GRIN2B: variants seen among roughly 807,000 people sequenced by gnomAD.
GRIN2B encodes the protein glutamate ionotropic receptor NMDA type subunit 2B, also known as glutamate receptor ionotropic, NMDA 2B.
GRIN2B carries 5 observed loss-of-function variants against 114.5 expected under a neutral mutation model. That is an observed-to-expected ratio of 0.04 (90% CI 0.02 to 0.09). The LOEUF (loss-of-function observed/expected upper bound fraction) is 0.09. Ranked by LOEUF, GRIN2B falls within the 10% of genes least tolerant of loss-of-function variation. GRIN2B has a pLI of 1.00. For synonymous variants in GRIN2B, 787 were observed against 745.1 expected (o/e 1.06, Z -0.92); for missense variants, 1,108 against 1,943.5 (o/e 0.57, Z 8.08).
chr12:13,803,001 C>T (rs1241722701), intron 3 of GRIN2B, among the ~76,000 whole-genome samples: 1 of 152,132 alleles, frequency 6.6e-6, no homozygotes, highest in Non-Finnish European at 1.5e-5. Flanking sequence ...TCTCTTCCTC[C>T]TCCTCCTCAG....
At chr12:13,826,279 T>C (rs1023391637) in intron 3 of GRIN2B, among the ~76,000 whole-genome samples, 1 of 152,158 alleles carries the variant, frequency 6.6e-6, no homozygotes, top group Non-Finnish European at 1.5e-5. Flanking sequence ...GAGACCATTC[T>C]GACCAACACA....
In GRIN2B at chr12:13,542,680, C is replaced by CT. The variant is rs1565442389; in HGVS notation, c.*20102dup. The stretch of plus-strand genomic sequence containing the variant: ...CCCCCAGTCCCTCTTATCACTTGGA[C>CT]TTTCATCCCCAGATACCCATGCACA... On this transcript the variant is annotated 3_prime_UTR_variant, in exon 14 of 14. Transcript: ENST00000609686. 2.0e-5 allele frequency: 3 copies of CT among 152,290 alleles called. No homozygotes were observed. Among genetic ancestry groups the CT allele is most frequent in the African/African-American group, 7.2e-5 (3 of 41,432 alleles). 9.4% of individuals were successfully genotyped at this position (152,290 alleles called of 1,614,324 possible).
At position 13,655,718 on chromosome 12, in the gene GRIN2B, T is replaced by C. The variant is rs1420570240; in HGVS notation, c.1125+20027A>G. Among the ~76,000 whole-genome samples, 20 of 152,188 alleles carry C rather than the reference T, an allele frequency of 1.3e-4. 1 individual carries two copies. The highest frequency in any genetic ancestry group is 2.9e-5 in the Non-Finnish European group (2 of 68,026). On this transcript the variant is annotated intron_variant, in intron 5 of 13. Transcript: ENST00000609686. ...ATTAAATATTGACTCCATAGCAATG[T>C]TGTGAGGATTTGTATGAGTTAATGT...
intron 9 of GRIN2B, among the ~76,000 whole-genome samples, chr12:13,610,385 A>T (rs1357424004): frequency 2.0e-5 from 3 of 152,120 alleles, no homozygotes; most frequent in Non-Finnish European, 2.9e-5. Context: ...TATTTTTTCA[A>T]GGGAGAGAGG....
At chr12:13,794,760 A>G (rs1350175048) in intron 3 of GRIN2B, among the ~76,000 whole-genome samples, 1 of 152,252 alleles carries the variant, frequency 6.6e-6, no homozygotes, top group Non-Finnish European at 1.5e-5. Context: ...GCCAAGCCTC[A>G]GAATGCACAA....
chr12:13,564,377 C>G lies in GRIN2B; in HGVS notation c.2861G>C (p.Cys954Ser). Residue 954 changes from cysteine (C) to serine (S), a missense_variant, in exon 14 of 14, where the codon TGT (cysteine) becomes TCT (serine). By Grantham distance (112) the Cys-to-Ser change is moderately radical. Transcript: ENST00000609686. The surrounding 1 kb of genome is among the most constrained non-coding windows in gnomAD (Gnocchi z 4.8). ...GTAGTCACTGAAGAGGTTCTCCTCA[C>G]AGGGCGGGTTGTTGTAGGATTTGCA... ...SDCKSYNNPP[C>S]EENLFSDYIS... is the part of the protein sequence containing the mutation. 6.2e-7 allele frequency: 1 copy of G among 1,614,222 alleles called. No homozygotes were observed. Among genetic ancestry groups the G allele is most frequent in the Non-Finnish European group, 8.5e-7 (1 of 1,180,052 alleles).
At chr12:13,622,424 C>T (rs747155993) in intron 5 of GRIN2B, among the ~76,000 whole-genome samples, 81 of 152,094 alleles carry the variant, frequency 5.3e-4, no homozygotes, top group Non-Finnish European at 8.8e-5. Flanking sequence ...AGCAGAAATC[C>T]GAGGACAGGA....
chr12:13,826,412 G>A (rs1041698763), intron 3 of GRIN2B, among the ~76,000 whole-genome samples: 2 of 151,916 alleles, frequency 1.3e-5, no homozygotes, highest in Non-Finnish European at 2.9e-5. Flanking sequence ...CGGAGGTTGC[G>A]GTGAGCCGAG....
In GRIN2B at chr12:13,559,899, C is replaced by T. The variant is rs750614079; in HGVS notation, c.*2884G>A. On this transcript the variant is annotated 3_prime_UTR_variant, in exon 14 of 14. Coordinates refer to ENST00000609686, the MANE Select transcript of GRIN2B (RefSeq NM_000834.5). Reference sequence around the variant, plus strand: ...TTTCTCAGGATTGAGCTTCCTGAAACCTTTCAGTCACGCCAAGAATGGGAA... The same window carrying T: ...TTTCTCAGGATTGAGCTTCCTGAAATCTTTCAGTCACGCCAAGAATGGGAA... 1 of 152,126 alleles carries T rather than the reference C, an allele frequency of 6.6e-6. No homozygotes were observed. 9.4% of individuals were successfully genotyped at this position (152,126 alleles called of 1,614,324 possible). A position where few individuals can be genotyped will look rare whatever the true frequency, so the allele number is the denominator to read the frequency against.
chr12:13,668,815 A>G (rs1018506508), intron 5 of GRIN2B, among the ~76,000 whole-genome samples: 3 of 151,772 alleles, frequency 2.0e-5, no homozygotes, highest in Non-Finnish European at 2.9e-5. Flanking sequence ...TGTTTTTCCC[A>G]GCCACCAGGA....
Position 13,563,107 on chromosome 12 carries a change from G to A in GRIN2B, c.4131C>T (p.Leu1377=). ...GGTTTTGCGTGACCCGGTCAGGGTA[G>A]AGCGACTTGCTGAGCATGTACCCGC... ...PGGGYMLSKS[L]YPDRVTQNPF... Residue 1377 remains leucine (L), a synonymous_variant, in exon 14 of 14, where the codon CTC becomes CTT. Coordinates refer to ENST00000609686, the MANE Select transcript of GRIN2B (RefSeq NM_000834.5). 1 of 1,614,214 alleles carries A rather than the reference G, an allele frequency of 6.2e-7. No homozygotes were observed. Among genetic ancestry groups the A allele is most frequent in the Non-Finnish European group, 8.5e-7 (1 of 1,180,042 alleles).
chr12:13,972,080 G>A (rs867816922), intron 2 of GRIN2B, among the ~76,000 whole-genome samples: 2 of 152,302 alleles, frequency 1.3e-5, no homozygotes, highest in Non-Finnish European at 1.5e-5. Flanking sequence ...ATCTTGCCCA[G>A]TCATTCTCAA....
intron 3 of GRIN2B, among the ~76,000 whole-genome samples, chr12:13,845,081 A>AG (rs1464524371): frequency 3.3e-5 from 5 of 152,168 alleles, no homozygotes; most frequent in African/African-American, 1.2e-4. Flanking sequence ...GGCTGACTTC[A>AG]GGGTGCCACA....
At chr12:13,842,917 CTTTTTTTTTT>C (rs201344138) in intron 3 of GRIN2B, among the ~76,000 whole-genome samples, 2 of 103,222 alleles carry the variant, frequency 1.9e-5, no homozygotes, top group Admixed American at 1.0e-4. Context: ...ATTGGTTTTT[CTTTTTTTTTT>C]TTTTTTTTTT....
intron 4 of GRIN2B, among the ~76,000 whole-genome samples, chr12:13,703,678 G>GA: frequency 6.6e-6 from 1 of 151,984 alleles, no homozygotes; most frequent in East Asian, 1.9e-4. Flanking sequence ...CCCTCTTCAT[G>GA]AAAATTTAGG....
At chr12:13,851,699 G>T (rs988964414) in intron 3 of GRIN2B, among the ~76,000 whole-genome samples, 2 of 152,044 alleles carry the variant, frequency 1.3e-5, no homozygotes, top group African/African-American at 4.8e-5. Flanking sequence ...TCTCTTTCTT[G>T]CTATTTTTTA....
intron 10 of GRIN2B, among the ~76,000 whole-genome samples, chr12:13,599,498 A>G (rs957450322): frequency 2.0e-5 from 3 of 152,182 alleles, no homozygotes; most frequent in African/African-American, 7.2e-5. Flanking sequence ...TGCTGCATTA[A>G]TTTGTCTCAA....
intron 4 of GRIN2B, among the ~76,000 whole-genome samples, chr12:13,746,649 C>G (rs531404373): frequency 6.6e-6 from 1 of 152,222 alleles, no homozygotes; most frequent in East Asian, 1.9e-4. Context: ...GGATGTTTGT[C>G]CCCCCCAAAT....
intron 2 of GRIN2B, among the ~76,000 whole-genome samples, chr12:13,957,997 A>G (rs1033905910): frequency 6.6e-6 from 1 of 152,204 alleles, no homozygotes; most frequent in African/African-American, 2.4e-5. Context: ...CATTCTCACT[A>G]GTCACAGGTG....
Sources: allele counts gnomAD v4.1 joint callset (sites outside exome capture counted in the v4.1 genomes callset), GRCh38; gene constraint gnomAD v4.1.1; non-coding constraint Gnocchi (gnomAD v3.1); transcripts MANE v1.5; gene names NCBI Gene and HGNC (gene_info 2026-07-23, HGNC 2026-07-21).